PLCXD3: variants seen among roughly 807,000 people sequenced by gnomAD.
PLCXD3 encodes the protein PI-PLC X domain-containing protein 3.
A neutral mutation model predicts 25.5 loss-of-function variants in PLCXD3; 19 were observed. That is an observed-to-expected ratio of 0.75 (90% CI 0.52 to 1.09). The LOEUF (loss-of-function observed/expected upper bound fraction) is 1.09. Ranked by LOEUF, PLCXD3 falls within the 50% of genes least tolerant of loss-of-function variation. The pLI is 0.00. For synonymous variants in PLCXD3, 174 were observed against 137.6 expected, an observed-to-expected ratio of 1.26 and a Z score of -1.85; for missense variants, 411 against 388.1, an observed-to-expected ratio of 1.06 and a Z score of -0.50.
chr5:41,382,659 A>G (rs1020111891), intron 1 of PLCXD3, 125 bp from the exon 2 acceptor site: 4 of 733,400 alleles, frequency 5.5e-6, no homozygotes, highest in Non-Finnish European at 6.4e-6. Flanking sequence ...GAAATGTAAT[A>G]CTAGTTATTT....
intron 1 of PLCXD3, among the ~76,000 whole-genome samples, chr5:41,410,084 C>T (rs1746472044): frequency 6.6e-6 from 1 of 151,756 alleles, no homozygotes; most frequent in Admixed American, 6.6e-5. Context: ...ACTGCCACAG[C>T]CTCTGGGGTA....
In PLCXD3 at chr5:41,510,471, AGAGT is replaced by A; in HGVS notation, c.52_55del (p.Thr18CysfsTer13). On this transcript the variant is annotated frameshift_variant, in exon 1 of 3. Coordinates refer to ENST00000377801, the MANE Select transcript of PLCXD3 (RefSeq NM_001005473.3). LOFTEE classifies it high-confidence loss of function. ...GGGGATGCTGTGCATGCTCTCCGGC[AGAGT>A]TGCCATCCAGTCGGCTAATTTCAGC... The A allele has an allele frequency of 6.2e-7, 1 of 1,612,692 alleles. No individual in the cohort carries two copies. The highest frequency in any genetic ancestry group is 8.5e-7 in the Non-Finnish European group (1 of 1,179,306).
intron 1 of PLCXD3, among the ~76,000 whole-genome samples, chr5:41,490,023 G>T (rs1011228058): frequency 2.0e-5 from 3 of 151,954 alleles, no homozygotes; most frequent in African/African-American, 7.3e-5. Flanking sequence ...AGTTTTCAAA[G>T]GGAATGCTTC....
chr5:41,509,059 A>T (rs1421373873), intron 1 of PLCXD3, among the ~76,000 whole-genome samples: 1 of 152,222 alleles, frequency 6.6e-6, no homozygotes, highest in Non-Finnish European at 1.5e-5. Flanking sequence ...TTGCTGCCAA[A>T]CATCCACTTG....
intron 1 of PLCXD3, among the ~76,000 whole-genome samples, chr5:41,411,076 CT>C (rs1445033676): frequency 6.6e-6 from 1 of 152,100 alleles, no homozygotes; most frequent in East Asian, 1.9e-4. Context: ...ACCAACTATT[CT>C]GAAAGACAAT....
At chr5:41,504,048 C>A (rs1749008249) in intron 1 of PLCXD3, among the ~76,000 whole-genome samples, 1 of 151,552 alleles carries the variant, frequency 6.6e-6, no homozygotes, top group South Asian at 2.1e-4. Context: ...CAGAGCACAT[C>A]AATTAGCTAC....
chr5:41,400,666 T>C (rs1746153001), intron 1 of PLCXD3, among the ~76,000 whole-genome samples: 2 of 151,624 alleles, frequency 1.3e-5, no homozygotes, highest in African/African-American at 4.8e-5. Flanking sequence ...AGATAGAGAG[T>C]AGAAGATGGT....
intron 1 of PLCXD3, among the ~76,000 whole-genome samples, chr5:41,481,060 T>C (rs1450269233): frequency 7.3e-6 from 1 of 137,134 alleles, no homozygotes; most frequent in Non-Finnish European, 1.5e-5. Flanking sequence ...TTTATAATTG[T>C]CAATGGAGAG....
Position 41,311,923 on chromosome 5 carries a change from C to G in PLCXD3, c.*1694G>C, listed in dbSNP as rs1444494790. 6.6e-6 allele frequency: 1 copy of G among 152,424 alleles called. No homozygotes were observed. Among genetic ancestry groups the G allele is most frequent in the Non-Finnish European group, 1.5e-5 (1 of 67,990 alleles). 9.4% of individuals were successfully genotyped at this position (152,424 alleles called of 1,614,324 possible). A position where few individuals can be genotyped will look rare whatever the true frequency, so the allele number is the denominator to read the frequency against. ...AGGGCATGCTTTTATTTCTCTATGA[C>G]CCTACTTTGCATGGACTGTATTATC... is the stretch of plus-strand genomic sequence containing the variant. On this transcript the variant is annotated 3_prime_UTR_variant, in exon 3 of 3. Coordinates refer to ENST00000377801, the MANE Select transcript of PLCXD3 (RefSeq NM_001005473.3).
chr5:41,376,687 C>G (rs1163520045), intron 2 of PLCXD3, among the ~76,000 whole-genome samples: 1 of 152,106 alleles, frequency 6.6e-6, no homozygotes, highest in Admixed American at 6.6e-5. Flanking sequence ...AGATATCTCT[C>G]TCCTCTAAGT....
chr5:41,372,770 A>T (rs557993143), intron 2 of PLCXD3, among the ~76,000 whole-genome samples: 58 of 152,056 alleles, frequency 3.8e-4, no homozygotes, highest in Non-Finnish European at 7.8e-4. Context: ...TTGGCCATGC[A>T]TGGTGGCTCA....
chr5:41,473,038 A>G (rs1470307240), intron 1 of PLCXD3, among the ~76,000 whole-genome samples: 1 of 152,152 alleles, frequency 6.6e-6, no homozygotes, highest in African/African-American at 2.4e-5. Context: ...AACATTTTAT[A>G]TATTTTATGA....
intron 1 of PLCXD3, among the ~76,000 whole-genome samples, chr5:41,403,394 A>ATTTTTTTTTT (rs1554047940): frequency 6.4e-5 from 1 of 15,722 alleles, no homozygotes; most frequent in Non-Finnish European, 1.7e-4. Flanking sequence ...AGATTGACTT[A>ATTTTTTTTTT]TTTGTTGTTT....
At chr5:41,502,083 T>C (rs1394856840) in intron 1 of PLCXD3, among the ~76,000 whole-genome samples, 2 of 152,098 alleles carry the variant, frequency 1.3e-5, no homozygotes, top group Non-Finnish European at 2.9e-5. Flanking sequence ...TGGAGAAAAC[T>C]GATGACACAG....
chr5:41,494,899 C>T (rs376735741), intron 1 of PLCXD3, among the ~76,000 whole-genome samples: 3 of 152,180 alleles, frequency 2.0e-5, no homozygotes, highest in South Asian at 4.2e-4. Flanking sequence ...GATAACCTTA[C>T]GGAAGCATGT....
At chr5:41,388,526 C>G (rs527272371) in intron 1 of PLCXD3, among the ~76,000 whole-genome samples, 95 of 152,086 alleles carry the variant, frequency 6.2e-4, no homozygotes, top group African/African-American at 2.1e-3. Context: ...TGCTGCATTG[C>G]AGTTTGCTGT....
chr5:41,489,043 T>C (rs1471770882), intron 1 of PLCXD3, among the ~76,000 whole-genome samples: 2 of 152,232 alleles, frequency 1.3e-5, no homozygotes, highest in African/African-American at 2.4e-5. Flanking sequence ...GGTTTTCTTC[T>C]AGGGTTTTTA....
chr5:41,477,417 C>G (rs1561284850), intron 1 of PLCXD3, among the ~76,000 whole-genome samples: 1 of 152,130 alleles, frequency 6.6e-6, no homozygotes, highest in Non-Finnish European at 1.5e-5. Context: ...ATACCTGTCG[C>G]TCCTGGTTCA....
intron 1 of PLCXD3, among the ~76,000 whole-genome samples, chr5:41,442,213 T>C (rs1441358102): frequency 6.6e-6 from 1 of 152,228 alleles, no homozygotes; most frequent in Non-Finnish European, 1.5e-5. Context: ...TAAATCTGTA[T>C]GTAACAATGA....
Sources: gnomAD v4.1 joint callset for allele counts (sites outside exome capture counted in the v4.1 genomes callset) on GRCh38, gnomAD v4.1.1 for gene constraint, MANE v1.5 for transcripts, NCBI Gene and HGNC (gene_info 2026-07-23, HGNC 2026-07-21) for gene names.